Variants in SERINC5 observed in about 807,000 individuals in gnomAD.
SERINC5 encodes the protein chromosome 5 open reading frame 12.
In SERINC5, 41 loss-of-function variants were observed where a neutral mutation model predicts 63.1. The observed-to-expected ratio is 0.65, with a 90% CI of 0.51 to 0.84. The LOEUF is 0.84. Ranked by LOEUF, SERINC5 falls within the 40% of genes least tolerant of loss-of-function variation. The pLI is 0.00. For synonymous variants in SERINC5, 222 were observed against 215.2 expected, an observed-to-expected ratio of 1.03 and a Z score of -0.28; for missense variants, 523 against 573.0, an observed-to-expected ratio of 0.91 and a Z score of 0.89.
At chr5:80,164,705 G>A (rs1194132649) in intron 7 of SERINC5, among the ~76,000 whole-genome samples, 1 of 151,864 alleles carries the variant, frequency 6.6e-6, no homozygotes, top group African/African-American at 2.4e-5. Context: ...TATTTCTTTT[G>A]TTCTGCTAAC....
intron 9 of SERINC5, among the ~76,000 whole-genome samples, chr5:80,148,864 T>G (rs1016446569): frequency 6.6e-6 from 1 of 152,182 alleles, no homozygotes; most frequent in Non-Finnish European, 1.5e-5. Context: ...GCCAAGCCCT[T>G]GTTTCCCTGC....
chr5:80,177,708 A>G (rs2112416156), intron 3 of SERINC5, among the ~76,000 whole-genome samples, 178 bp downstream of exon 3: 1 of 152,310 alleles, frequency 6.6e-6, no homozygotes, highest in Middle Eastern at 3.4e-3. Context: ...GGTGTTACAA[A>G]TAAGATTCTA....
chr5:80,140,868 C>T lies in SERINC5; in HGVS notation c.*2795G>A, dbSNP rs1000600482. On this transcript the variant is annotated 3_prime_UTR_variant, in exon 12 of 12. Coordinates refer to ENST00000507668, the MANE Select transcript of SERINC5 (RefSeq NM_001174072.3). ...ACTGTCATCCCTAAATGTGTCTGACCAGCAGCTTCTGGGAATATACTCTTT... is the reference window on the plus strand; with the variant it reads ...ACTGTCATCCCTAAATGTGTCTGACTAGCAGCTTCTGGGAATATACTCTTT... The T allele has an allele frequency of 1.0e-6, 1 of 985,324 alleles. No individual in the cohort carries two copies. The allele number at this position is 985,324 out of a possible 1,614,324, so 61.0% of individuals were successfully genotyped here. A position where few individuals can be genotyped will look rare whatever the true frequency, so the allele number is the denominator to read the frequency against.
intron 11 of SERINC5, among the ~76,000 whole-genome samples, chr5:80,125,704 C>A (rs1414057801): frequency 6.6e-6 from 1 of 152,158 alleles, no homozygotes; most frequent in African/African-American, 2.4e-5. Flanking sequence ...GAAGACTCAG[C>A]TGGGCAGTTG....
intron 1 of SERINC5, among the ~76,000 whole-genome samples, chr5:80,252,894 G>A (rs924588170): frequency 2.0e-5 from 3 of 152,142 alleles, no homozygotes; most frequent in Non-Finnish European, 4.4e-5. Flanking sequence ...AGGATGGTCC[G>A]CAGTTAAAGA....
At chr5:80,117,045 G>A (rs1744355587) in intron 11 of SERINC5, among the ~76,000 whole-genome samples, 1 of 151,838 alleles carries the variant, frequency 6.6e-6, no homozygotes, top group African/African-American at 2.4e-5. Context: ...TGGCCAGGCT[G>A]GTCTCAAACT....
intron 1 of SERINC5, among the ~76,000 whole-genome samples, chr5:80,235,770 G>C (rs1751660122): frequency 6.6e-6 from 1 of 152,042 alleles, no homozygotes; most frequent in African/African-American, 2.4e-5. Context: ...CTGAATTGTA[G>C]TTCTTAAATT....
intron 2 of SERINC5, among the ~76,000 whole-genome samples, chr5:80,192,236 C>T (rs1268847443): frequency 2.0e-5 from 3 of 152,122 alleles, no homozygotes; most frequent in Non-Finnish European, 4.4e-5. Flanking sequence ...AGTACAAATG[C>T]ACATTTCAAA....
intron 1 of SERINC5, among the ~76,000 whole-genome samples, chr5:80,235,408 C>T (rs1751640606): frequency 6.6e-6 from 1 of 152,174 alleles, no homozygotes. Flanking sequence ...TCCAAGTTTA[C>T]TTCTAATACA....
chr5:80,208,276 G>A (rs1750265090), intron 1 of SERINC5, among the ~76,000 whole-genome samples: 1 of 151,716 alleles, frequency 6.6e-6, no homozygotes, highest in South Asian at 2.1e-4. Flanking sequence ...GGTGGGAGGA[G>A]CTGATAATGG....
chr5:80,126,947 CTCA>C (rs1244796097), intron 11 of SERINC5, among the ~76,000 whole-genome samples: 2 of 151,964 alleles, frequency 1.3e-5, no homozygotes, highest in African/African-American at 4.8e-5. Flanking sequence ...TAAATATATA[CTCA>C]TCATCAAAAA....
At chr5:80,174,067 A>G (rs10045495) in intron 5 of SERINC5, among the ~76,000 whole-genome samples, 71,100 of 151,870 alleles carry the variant, frequency 0.47, 17,296 homozygotes, top group African/African-American at 0.55. Context: ...TACAGTGAGA[A>G]CAAGCATTAA....
At chr5:80,138,400 A>G (rs1344212284), downstream of SERINC5, among the ~76,000 whole-genome samples, 1 of 152,134 alleles carries the variant, frequency 6.6e-6, no homozygotes, top group Non-Finnish European at 1.5e-5. Context: ...GTTCAAGACC[A>G]GCCTGGCCAA....
chr5:80,210,890 G>A (rs891755301), intron 1 of SERINC5, among the ~76,000 whole-genome samples: 3 of 152,164 alleles, frequency 2.0e-5, no homozygotes, highest in African/African-American at 2.4e-5. Context: ...CACATCCAAC[G>A]GATGGGCAGC....
chr5:80,182,521 C>T (rs927080281), intron 2 of SERINC5, among the ~76,000 whole-genome samples: 33 of 147,962 alleles, frequency 2.2e-4, no homozygotes, highest in Non-Finnish European at 4.0e-4. Flanking sequence ...GCTCAACATG[C>T]CATAAGCTTC....
At position 80,138,947 on chromosome 5, in the gene SERINC5, T is replaced by G; in HGVS notation, c.*4716A>C. 8.2e-6 allele frequency: 8 copies of G among 974,654 alleles called. No individual in the cohort carries two copies. The highest frequency in any genetic ancestry group is 8.5e-6 in the Non-Finnish European group (7 of 820,176). The allele number at this position is 974,654 out of a possible 1,614,324, so 60.4% of individuals were successfully genotyped here. A position where few individuals can be genotyped will look rare whatever the true frequency, so the allele number is the denominator to read the frequency against. Reference sequence around the variant, plus strand: ...GAGTTAACAAGTTTTGAGTTTTTTATATAGGAAAAGCCTAGTCAATTCAGA... The same window carrying G: ...GAGTTAACAAGTTTTGAGTTTTTTAGATAGGAAAAGCCTAGTCAATTCAGA... On this transcript the variant is annotated 3_prime_UTR_variant, in exon 12 of 12. Coordinates refer to ENST00000507668, the MANE Select transcript of SERINC5 (RefSeq NM_001174072.3).
chr5:80,146,556 G>A (rs1324431499), intron 10 of SERINC5, among the ~76,000 whole-genome samples: 1 of 152,140 alleles, frequency 6.6e-6, no homozygotes, highest in East Asian at 1.9e-4. Flanking sequence ...AGGTTCAAGC[G>A]ATTCTCCTGC....
In SERINC5 at chr5:80,142,142, C is replaced by A; in HGVS notation, c.*1521G>T. ...GAGAGCTCGAGAAGATTCTTTCCAC[C>A]CCGAATGAAATTCTAACAGGAGTTT... On this transcript the variant is annotated 3_prime_UTR_variant, in exon 12 of 12. Coordinates refer to ENST00000507668, the MANE Select transcript of SERINC5 (RefSeq NM_001174072.3). 1 of 985,438 alleles carries A rather than the reference C, an allele frequency of 1.0e-6. No individual in the cohort carries two copies. The highest frequency in any genetic ancestry group is 4.7e-5 in the South Asian group (1 of 21,288). 61.0% of individuals were successfully genotyped at this position (985,438 alleles called of 1,614,324 possible). A position where few individuals can be genotyped will look rare whatever the true frequency, so the allele number is the denominator to read the frequency against.
chr5:80,250,691 G>C (rs531747394), intron 1 of SERINC5, among the ~76,000 whole-genome samples: 1 of 152,304 alleles, frequency 6.6e-6, no homozygotes, highest in Admixed American at 6.5e-5. Flanking sequence ...CATGGACTCT[G>C]TGTATGTGGG....
Sources: gnomAD v4.1 joint callset for allele counts (sites outside exome capture counted in the v4.1 genomes callset) on GRCh38, gnomAD v4.1.1 for gene constraint, MANE v1.5 for transcripts, NCBI Gene and HGNC (gene_info 2026-07-23, HGNC 2026-07-21) for gene names.